The following TMTC1 variants were observed in gnomAD, a reference collection of about 807,000 sequenced individuals.
TMTC1 encodes the protein transmembrane O-mannosyltransferase targeting cadherins 1.
TMTC1 carries 73 observed loss-of-function variants against 104.8 expected under a neutral mutation model. The ratio of observed to expected loss-of-function variants is 0.70; its 90% CI spans 0.58 to 0.85. The LOEUF (loss-of-function observed/expected upper bound fraction) is 0.85. Ranked by LOEUF, TMTC1 falls within the 40% of genes least tolerant of loss-of-function variation. TMTC1 has a pLI of 0.00. For synonymous variants in TMTC1, 434 were observed against 428.7 expected (o/e 1.01, Z -0.15); for missense variants, 1,035 against 1,096.1 (o/e 0.94, Z 0.79).
At chr12:29,530,500 G>A (rs929713846) in intron 11 of TMTC1, among the ~76,000 whole-genome samples, 1 of 152,134 alleles carries the variant, frequency 6.6e-6, no homozygotes, top group African/African-American at 2.4e-5. Flanking sequence ...GCATTTAAAC[G>A]TTGTGTCTCC....
At chr12:29,636,500 A>G (rs1050095162) in intron 5 of TMTC1, among the ~76,000 whole-genome samples, 1 of 152,162 alleles carries the variant, frequency 6.6e-6, no homozygotes, top group Non-Finnish European at 1.5e-5. Flanking sequence ...TTAAAGTTAC[A>G]ATCTCAACAT....
chr12:29,750,915 GT>G (rs999724628), intron 5 of TMTC1, among the ~76,000 whole-genome samples: 2 of 152,198 alleles, frequency 1.3e-5, no homozygotes, highest in African/African-American at 4.8e-5. Context: ...CCTTTGCTCT[GT>G]TTCTGCGTTT....
intron 16 of TMTC1, among the ~76,000 whole-genome samples, chr12:29,513,759 G>A (rs898880291): frequency 6.6e-6 from 1 of 152,094 alleles, no homozygotes; most frequent in African/African-American, 2.4e-5. Context: ...CATAGATACT[G>A]AACACCTTGT....
At chr12:29,673,618 A>G (rs1940601077) in intron 5 of TMTC1, among the ~76,000 whole-genome samples, 1 of 151,696 alleles carries the variant, frequency 6.6e-6, no homozygotes, top group South Asian at 2.1e-4. Flanking sequence ...TACATATTTA[A>G]TTATATTTAT....
Position 29,777,731 on chromosome 12 carries a change from T to C in TMTC1, c.302+5719A>G, listed in dbSNP as rs184899109. Among the ~76,000 whole-genome samples, 17 of 152,276 alleles carry C rather than the reference T, an allele frequency of 1.1e-4. No homozygotes were observed. In the East Asian group the frequency reaches 3.1e-3, roughly 28 times the overall value. ...AGTTTTTCATTTTTCTTTATAAAAT[T>C]TTTCTTGCCTCCAATCACATTTTCC... On this transcript the variant is annotated intron_variant, in intron 1 of 17. Transcript: ENST00000539277.
chr12:29,621,544 G>A (rs767178049), intron 6 of TMTC1, among the ~76,000 whole-genome samples: 4 of 152,134 alleles, frequency 2.6e-5, no homozygotes, highest in Non-Finnish European at 4.4e-5. Context: ...CTATCCTACC[G>A]TATTGTGTTT....
intron 11 of TMTC1, chr12:29,534,932 G>T (rs932068755): frequency 9.2e-5 from 14 of 152,156 alleles, no homozygotes; most frequent in African/African-American, 3.4e-4. Flanking sequence ...GGTCATCTCA[G>T]AAGACCTCTC....
chr12:29,522,280 G>A (rs769173440), intron 11 of TMTC1, among the ~76,000 whole-genome samples: 1 of 152,114 alleles, frequency 6.6e-6, no homozygotes, highest in East Asian at 1.9e-4. Context: ...GACCCAGAAA[G>A]GGACATATAC....
intron 5 of TMTC1, among the ~76,000 whole-genome samples, chr12:29,642,104 A>G (rs146384546): frequency 1.3e-5 from 2 of 152,306 alleles, no homozygotes; most frequent in African/African-American, 4.8e-5. Flanking sequence ...TTAAATGACC[A>G]AACCTAAGAA....
chr12:29,632,022 A>T (rs1249930129), intron 6 of TMTC1, among the ~76,000 whole-genome samples: 2 of 152,330 alleles, frequency 1.3e-5, no homozygotes, highest in Middle Eastern at 6.8e-3. Context: ...TTGCTTGTGC[A>T]TATGTCATTT....
intron 5 of TMTC1, among the ~76,000 whole-genome samples, chr12:29,704,553 C>A (rs571650972): frequency 1.3e-5 from 2 of 152,304 alleles, no homozygotes; most frequent in South Asian, 4.2e-4. Context: ...AACCCAGAAA[C>A]CTCTAATATA....
intron 1 of TMTC1, among the ~76,000 whole-genome samples, chr12:29,770,785 C>T (rs1943577857): frequency 6.6e-6 from 1 of 152,006 alleles, no homozygotes; most frequent in African/African-American, 2.4e-5. Flanking sequence ...GACAAGTAAG[C>T]TTGAGACAAA....
chr12:29,559,582 G>T (rs1157445453), intron 9 of TMTC1, among the ~76,000 whole-genome samples: 1 of 152,180 alleles, frequency 6.6e-6, no homozygotes, highest in Non-Finnish European at 1.5e-5. Flanking sequence ...TGTGCTCTAA[G>T]AACCAACTTG....
chr12:29,605,941 T>TTA (rs1371461784), intron 6 of TMTC1, among the ~76,000 whole-genome samples: 1 of 152,180 alleles, frequency 6.6e-6, no homozygotes, highest in Non-Finnish European at 1.5e-5. Context: ...TAGCTCCCAC[T>TTA]TATAAGTGAG....
At chr12:29,633,815 G>C (rs1209867101) in intron 5 of TMTC1, among the ~76,000 whole-genome samples, 1 of 152,172 alleles carries the variant, frequency 6.6e-6, no homozygotes, top group Non-Finnish European at 1.5e-5. Context: ...GGAAACTGCA[G>C]GTGTCCTTGC....
At chr12:29,756,238 C>G (rs992042283) in intron 3 of TMTC1, among the ~76,000 whole-genome samples, 1 of 152,212 alleles carries the variant, frequency 6.6e-6, no homozygotes, top group Non-Finnish European at 1.5e-5. Context: ...TCCCTGGGTT[C>G]CCTGCTAACC....
intron 7 of TMTC1, among the ~76,000 whole-genome samples, chr12:29,590,199 T>G (rs1033866846): frequency 6.6e-6 from 1 of 150,860 alleles, no homozygotes; most frequent in African/African-American, 2.5e-5. Context: ...AAAAAAAACC[T>G]TTATCTGAGG....
At chr12:29,780,104 T>C (rs1943799731) in intron 1 of TMTC1, among the ~76,000 whole-genome samples, 1 of 152,224 alleles carries the variant, frequency 6.6e-6, no homozygotes, top group Non-Finnish European at 1.5e-5. Flanking sequence ...ATATAAAGCA[T>C]ATGAACATGC....
At chr12:29,530,093 T>C (rs560936404) in intron 11 of TMTC1, 2 of 152,308 alleles carry the variant, frequency 1.3e-5, no homozygotes, top group Non-Finnish European at 2.9e-5. Context: ...GCCTTCATTC[T>C]CTATACTTCC....
Sources: gnomAD v4.1 joint callset for allele counts (sites outside exome capture counted in the v4.1 genomes callset) on GRCh38, gnomAD v4.1.1 for gene constraint, MANE v1.5 for transcripts, NCBI Gene and HGNC (gene_info 2026-07-23, HGNC 2026-07-21) for gene names.